The following SPIDR variants were observed in gnomAD, a reference collection of about 807,000 sequenced individuals.
SPIDR encodes the protein DNA repair-scaffolding protein.
SPIDR carries 93 observed loss-of-function variants against 104.6 expected under a neutral mutation model. That is an observed-to-expected ratio of 0.89 (90% CI 0.75 to 1.06). The LOEUF is 1.06. Ranked by LOEUF, SPIDR falls within the 50% of genes least tolerant of loss-of-function variation. The probability of loss-of-function intolerance (pLI) is 0.00; values close to 1 mark genes in which losing one functional copy is unlikely to be tolerated. For synonymous variants in SPIDR, 431 were observed against 416.9 expected (o/e 1.03, Z -0.41); for missense variants, 1,154 against 1,111.2 (o/e 1.04, Z -0.55).
At chr8:47,368,486 T>G (rs1554636389) in intron 5 of SPIDR, among the ~76,000 whole-genome samples, 1 of 150,718 alleles carries the variant, frequency 6.6e-6, no homozygotes, top group Non-Finnish European at 1.5e-5. Context: ...AAGCAGATCC[T>G]TGGATCCTGG....
At chr8:47,352,278 C>CAAAAAA (rs35556300) in intron 5 of SPIDR, among the ~76,000 whole-genome samples, 4 of 130,840 alleles carry the variant, frequency 3.1e-5, no homozygotes, top group African/African-American at 1.3e-4. Flanking sequence ...TCCATCTCAA[C>CAAAAAA]AAAAAAAAAA....
intron 8 of SPIDR, among the ~76,000 whole-genome samples, chr8:47,444,440 C>A (rs2070133626): frequency 6.6e-6 from 1 of 152,220 alleles, no homozygotes; most frequent in East Asian, 1.9e-4. Context: ...ATACACATCC[C>A]AGTATGCTGG....
chr8:47,439,596 T>A (rs1013036680), intron 7 of SPIDR, among the ~76,000 whole-genome samples: 6 of 152,226 alleles, frequency 3.9e-5, no homozygotes, highest in Non-Finnish European at 8.8e-5. Flanking sequence ...TCTGACAGTT[T>A]CTGGGTACCT....
chr8:47,386,287 C>T (rs2059900526), intron 5 of SPIDR, among the ~76,000 whole-genome samples: 2 of 151,810 alleles, frequency 1.3e-5, no homozygotes, highest in Middle Eastern at 3.4e-3. Flanking sequence ...GTGTAGTTGC[C>T]CTTCATTTAT....
chr8:47,525,236 G>A (rs2084790002), intron 8 of SPIDR, among the ~76,000 whole-genome samples: 1 of 152,162 alleles, frequency 6.6e-6, no homozygotes, highest in South Asian at 2.1e-4. Flanking sequence ...AAACCCAGGG[G>A]GTGACTGAGT....
intron 1 of SPIDR, among the ~76,000 whole-genome samples, chr8:47,277,340 G>T (rs2036693082): frequency 1.4e-5 from 2 of 147,290 alleles, no homozygotes; most frequent in Non-Finnish European, 1.5e-5. Context: ...GTTATGTTAT[G>T]TTATGTTATG....
At chr8:47,392,966 G>A (rs782101700) in intron 5 of SPIDR, among the ~76,000 whole-genome samples, 1 of 152,210 alleles carries the variant, frequency 6.6e-6, no homozygotes, top group Middle Eastern at 3.2e-3. Context: ...CAGCATGAAT[G>A]TTGTTGCTAT....
intron 11 of SPIDR, 56 bp downstream of exon 11, chr8:47,673,997 A>G: frequency 1.3e-6 from 2 of 1,574,876 alleles, no homozygotes; most frequent in Non-Finnish European, 1.7e-6. Context: ...TCTTTTTCTT[A>G]GTCTTTTGTC....
At chr8:47,458,787 G>A (rs1364694284) in intron 8 of SPIDR, among the ~76,000 whole-genome samples, 1 of 151,748 alleles carries the variant, frequency 6.6e-6, no homozygotes, top group African/African-American at 2.4e-5. Flanking sequence ...TTACATTGAG[G>A]TACATCCTTG....
rs2073371405 is a variant in SPIDR, at chr8:47,458,369, TA to T, written c.1097+17828del. Among the ~76,000 whole-genome samples, 10 of 149,448 alleles carry T rather than the reference TA, an allele frequency of 6.7e-5. No individual in the cohort carries two copies. The South Asian group carries it at 2.1e-3, about 31-fold the overall frequency. ...TATTTTATTTTATTTTATTTTATTT[TA>T]TTTTATTTTATTTTATTTTATTGCA... is the stretch of plus-strand genomic sequence containing the variant. On this transcript the variant is annotated intron_variant, in intron 8 of 19. Coordinates refer to ENST00000297423, the MANE Select transcript of SPIDR (RefSeq NM_001080394.4).
At chr8:47,649,528 A>G (rs12678110) in intron 10 of SPIDR, among the ~76,000 whole-genome samples, 67,685 of 152,052 alleles carry the variant, frequency 0.45, 18,523 homozygotes, top group East Asian at 0.66. Context: ...TTTGCTATAC[A>G]GGACATTACC....
At chr8:47,439,441 A>G (rs549007769) in intron 7 of SPIDR, among the ~76,000 whole-genome samples, 5 of 152,018 alleles carry the variant, frequency 3.3e-5, no homozygotes, top group Non-Finnish European at 7.4e-5. Flanking sequence ...TTAGACGTCT[A>G]CTTCACCTCA....
intron 11 of SPIDR, among the ~76,000 whole-genome samples, chr8:47,700,137 C>A (rs561930608): frequency 1.3e-5 from 2 of 152,130 alleles, no homozygotes; most frequent in African/African-American, 2.4e-5. Context: ...TAAGTATTTT[C>A]TTTGTAACCA....
chr8:47,287,113 G>A (rs2038988561), intron 3 of SPIDR, among the ~76,000 whole-genome samples: 1 of 152,130 alleles, frequency 6.6e-6, no homozygotes. Flanking sequence ...CACAAAACCA[G>A]CAGGTTTTTA....
At chr8:47,460,175 C>T (rs1262879954) in intron 8 of SPIDR, among the ~76,000 whole-genome samples, 1 of 152,024 alleles carries the variant, frequency 6.6e-6, no homozygotes, top group Non-Finnish European at 1.5e-5. Context: ...TAGTTTAAAT[C>T]CATTGTTTGT....
At position 47,700,507 on chromosome 8, in the gene SPIDR, A is replaced by C; in HGVS notation, c.1773+17A>C. On this transcript the variant is annotated intron_variant, in intron 12 of 19. Coordinates refer to ENST00000297423, the MANE Select transcript of SPIDR (RefSeq NM_001080394.4). ...TGTGAAGAGGTAAGCCCGGCACTGG[A>C]AAAACTTCCCCAGTCACAGACTACT... 1.2e-6 allele frequency: 2 copies of C among 1,613,944 alleles called. No individual in the cohort carries two copies. Among genetic ancestry groups the C allele is most frequent in the Non-Finnish European group, 1.7e-6 (2 of 1,179,812 alleles).
At chr8:47,457,250 G>A (rs1030396680) in intron 8 of SPIDR, among the ~76,000 whole-genome samples, 23 of 152,012 alleles carry the variant, frequency 1.5e-4, no homozygotes, top group African/African-American at 4.6e-4. Context: ...CCTTTTCACC[G>A]CATCCACATC....
intron 9 of SPIDR, 62 bp downstream of exon 9, chr8:47,596,068 G>A (rs754522596): frequency 1.7e-4 from 244 of 1,454,746 alleles, no homozygotes; most frequent in Non-Finnish European, 2.2e-4. Context: ...GGATTTGGAA[G>A]GGCTTCAGTG....
At chr8:47,418,562 C>T (rs1052454980) in intron 7 of SPIDR, among the ~76,000 whole-genome samples, 2 of 152,190 alleles carry the variant, frequency 1.3e-5, no homozygotes, top group Non-Finnish European at 1.5e-5. Flanking sequence ...ATGTCATCTG[C>T]AAACAGGGAC....
Sources: allele counts gnomAD v4.1 joint callset (sites outside exome capture counted in the v4.1 genomes callset), GRCh38; gene constraint gnomAD v4.1.1; transcripts MANE v1.5; gene names NCBI Gene and HGNC (gene_info 2026-07-23, HGNC 2026-07-21).